Variants in RAVER2 observed in about 807,000 individuals in gnomAD.
RAVER2 encodes the protein ribonucleoprotein, PTB binding 2, also known as ribonucleoprotein PTB-binding 2.
Under a neutral mutation model 78.1 loss-of-function variants are expected in RAVER2, and 46 were observed. The ratio of observed to expected loss-of-function variants is 0.59; its 90% confidence interval spans 0.46 to 0.75. RAVER2 has a LOEUF of 0.75. Ranked by LOEUF, RAVER2 falls within the 30% of genes least tolerant of loss-of-function variation. The pLI is 0.00. For synonymous variants in RAVER2, 311 were observed against 313.3 expected, an observed-to-expected ratio of 0.99 and a Z score of 0.08; for missense variants, 793 against 837.5, an observed-to-expected ratio of 0.95 and a Z score of 0.66.
At position 64,792,927 on chromosome 1, in the gene RAVER2, G is replaced by C. The variant is rs377340321; in HGVS notation, c.1105+3413G>C. Among the ~76,000 whole-genome samples, 29 of 152,250 alleles carry C rather than the reference G, an allele frequency of 1.9e-4. 1 individual carries two copies. In the East Asian group the frequency reaches 5.4e-3, roughly 28 times the overall value. ...ATAAAGAATTGTAATTCTTGGCTGG[G>C]TGCTGTAGTTCACGCCTGTAATCCC... On this transcript the variant is annotated intron_variant, in intron 5 of 11. Coordinates refer to ENST00000294428, the Ensembl canonical transcript of RAVER2.
In RAVER2 at chr1:64,777,613, T is replaced by C. The variant is rs1652501445; in HGVS notation, c.317-10T>C. ...TTGAAAACTCTTTAATTCATTTCGTTATCTTCCAGCTTTTGTTACCTTATT... is the reference window on the plus strand; with the variant it reads ...TTGAAAACTCTTTAATTCATTTCGTCATCTTCCAGCTTTTGTTACCTTATT... On this transcript the variant is annotated splice_polypyrimidine_tract_variant and intron_variant, in intron 2 of 11. Coordinates refer to ENST00000294428, the Ensembl canonical transcript of RAVER2. 6.3e-7 allele frequency: 1 copy of C among 1,585,608 alleles called. No homozygotes were observed. Among genetic ancestry groups the C allele is most frequent in the Non-Finnish European group, 8.6e-7 (1 of 1,164,486 alleles).
Position 64,807,494 on chromosome 1 carries a change from A to G in RAVER2, c.1680+20A>G. On this transcript the variant is annotated intron_variant, in intron 9 of 11. Transcript: ENST00000294428. ...TCAGGGGTAAGAAAACTGTGGGTGC[A>G]CACAGATGTATATATACATGTATAT... The G allele has an allele frequency of 6.2e-7, 1 of 1,610,752 alleles. No individual in the cohort carries two copies. Among genetic ancestry groups the G allele is most frequent in the Non-Finnish European group, 8.5e-7 (1 of 1,177,756 alleles).
At chr1:64,769,113 A>T (rs1473744724) in intron 2 of RAVER2, among the ~76,000 whole-genome samples, 2 of 152,078 alleles carry the variant, frequency 1.3e-5, no homozygotes, top group East Asian at 3.8e-4. Context: ...CTGTGAGATT[A>T]AAAAACTAGA....
intron 7 of RAVER2, 36 bp from the exon 8 acceptor site, chr1:64,804,955 T>C (rs752066943): frequency 3.8e-6 from 6 of 1,589,614 alleles, no homozygotes; most frequent in African/African-American, 1.4e-5. Context: ...TTATATCTTA[T>C]GGCCATGGGT....
At chr1:64,822,343 A>G (rs1362192427) in intron 11 of RAVER2, among the ~76,000 whole-genome samples, 1 of 152,222 alleles carries the variant, frequency 6.6e-6, no homozygotes, top group African/African-American at 2.4e-5. Context: ...ATCAATAAAG[A>G]GAGAGAAATT....
At chr1:64,777,694 G>A (rs771478492) in exon 3 of RAVER2, 2 of 1,613,992 alleles carry the variant, frequency 1.2e-6, no homozygotes, top group Non-Finnish European at 1.7e-6. Context: ...TTCTTTTAGA[G>A]GAAAAGACTT....
intron 11 of RAVER2, among the ~76,000 whole-genome samples, chr1:64,830,295 C>T (rs1243562350): frequency 4.6e-5 from 7 of 152,116 alleles, no homozygotes; most frequent in African/African-American, 7.2e-5. Context: ...TTAATATGCT[C>T]GCCAGGCGAT....
exon 7 of RAVER2, chr1:64,804,747 GTAATACTTC>G: frequency 6.8e-7 from 1 of 1,473,204 alleles, no homozygotes. Flanking sequence ...TCAGTTATGG[GTAATACTTC>G]TAATTTATTC....
intron 1 of RAVER2, among the ~76,000 whole-genome samples, chr1:64,747,979 A>C (rs1232935247): frequency 6.6e-6 from 1 of 152,138 alleles, no homozygotes; most frequent in African/African-American, 2.4e-5. Context: ...TTCTTTATTA[A>C]ATGTAGTTTT....
chr1:64,791,039 A>G (rs1652925144), intron 5 of RAVER2, among the ~76,000 whole-genome samples: 1 of 152,224 alleles, frequency 6.6e-6, no homozygotes, highest in Non-Finnish European at 1.5e-5. Context: ...CAATAGTTCA[A>G]TAGAATGACT....
chr1:64,810,270 A>AC (rs1653568143), intron 9 of RAVER2, among the ~76,000 whole-genome samples: 1 of 152,240 alleles, frequency 6.6e-6, no homozygotes, highest in South Asian at 2.1e-4. Flanking sequence ...TAACAAAAAT[A>AC]CCATAGACTG....
chr1:64,759,840 T>C (rs1651971846), intron 1 of RAVER2, among the ~76,000 whole-genome samples: 1 of 152,176 alleles, frequency 6.6e-6, no homozygotes, highest in Non-Finnish European at 1.5e-5. Context: ...TTGAGCACTC[T>C]AAACATATTG....
chr1:64,767,902 A>G (rs1254193924), intron 1 of RAVER2, among the ~76,000 whole-genome samples: 1 of 151,752 alleles, frequency 6.6e-6, no homozygotes, highest in Non-Finnish European at 1.5e-5. Context: ...AAGTGGATAG[A>G]GGTTGTGCTA....
intron 5 of RAVER2, among the ~76,000 whole-genome samples, chr1:64,797,869 T>C (rs1045559769): frequency 1.3e-5 from 2 of 152,106 alleles, no homozygotes. Context: ...GCAGTATTAC[T>C]ACTGGCTACT....
At chr1:64,823,771 T>C (rs1419703797) in intron 11 of RAVER2, among the ~76,000 whole-genome samples, 2 of 151,932 alleles carry the variant, frequency 1.3e-5, no homozygotes, top group East Asian at 3.9e-4. Flanking sequence ...AAGAGGTTTT[T>C]CAGCTGTTTG....
At chr1:64,778,171 T>C (rs1652526827) in intron 3 of RAVER2, 79 bp downstream of exon 3, 3 of 1,047,522 alleles carry the variant, frequency 2.9e-6, no homozygotes, top group Non-Finnish European at 1.4e-6. Context: ...CACAAATTTA[T>C]CATACCTGTG....
At chr1:64,789,352 C>A in intron 4 of RAVER2, 36 bp from the exon 5 acceptor site, 1 of 1,525,888 alleles carries the variant, frequency 6.6e-7, no homozygotes. Context: ...TGTACTTATG[C>A]TGTTCTAATG....
At position 64,803,049 on chromosome 1, in the gene RAVER2, T is replaced by TA; in HGVS notation, c.1182dup (p.Ala395SerfsTer9). 6.3e-7 allele frequency: 1 copy of TA among 1,594,606 alleles called. No individual in the cohort carries two copies. Among genetic ancestry groups the TA allele is most frequent in the Middle Eastern group, 1.7e-4 (1 of 6,020 alleles). ...TCTCTCCTGCATTTTTACATTTGAA[T>TA]AAAGCACATCAGGTACATAAATAAC... On this transcript the variant is annotated frameshift_variant, in exon 6 of 12. Coordinates refer to ENST00000294428, the Ensembl canonical transcript of RAVER2. LOFTEE classifies it high-confidence loss of function.
intron 1 of RAVER2, among the ~76,000 whole-genome samples, chr1:64,762,701 C>A (rs996188152): frequency 2.6e-4 from 39 of 152,026 alleles, no homozygotes; most frequent in Non-Finnish European, 4.4e-4. Context: ...GAACCTTGAC[C>A]CCTACCTAAT....
Sources: allele counts gnomAD v4.1 joint callset (sites outside exome capture counted in the v4.1 genomes callset), GRCh38; gene constraint gnomAD v4.1.1; transcripts MANE v1.5; gene names NCBI Gene and HGNC (gene_info 2026-07-23, HGNC 2026-07-21).